The following KLF12 variants were observed in gnomAD, a reference collection of about 807,000 sequenced individuals.
KLF12 encodes the protein KLF transcription factor 12, also known as Krueppel-like factor 12.
Under a neutral mutation model 37.8 loss-of-function variants are expected in KLF12, and 9 were observed. That is an observed-to-expected ratio of 0.24 (90% CI 0.14 to 0.42). The LOEUF (loss-of-function observed/expected upper bound fraction) is 0.42, where lower values mean the gene tolerates loss of function less well. KLF12 is among the 10% of genes least tolerant of loss of function. The pLI, the probability that KLF12 is intolerant of heterozygous loss-of-function variation, is 1.00. For synonymous variants in KLF12, 208 were observed against 202.1 expected, an observed-to-expected ratio of 1.03 and a Z score of -0.25; for missense variants, 411 against 516.0, an observed-to-expected ratio of 0.80 and a Z score of 1.97.
At chr13:74,290,072 T>A in the KLF12 span, among the ~76,000 whole-genome samples, 1 of 152,162 alleles carries the variant, frequency 6.6e-6, no homozygotes, top group African/African-American at 2.4e-5. Context: ...TGAGTATTTG[T>A]ACAATGCCAG....
At chr13:73,903,881 C>T (rs575606046) in intron 3 of KLF12, among the ~76,000 whole-genome samples, 1 of 152,268 alleles carries the variant, frequency 6.6e-6, no homozygotes, top group African/African-American at 2.4e-5. Context: ...GTTGCATGGT[C>T]CTTCCGATGA....
rs541087604 is a variant in KLF12 at position 74,043,121 on chromosome 13, T to C, written c.-31-48068A>G. On this transcript the variant is annotated intron_variant, in intron 1 of 7. Transcript: ENST00000377669. ...CCCTTCATGAGATACTATGTTTTCA[T>C]TAATTCTGTAAATTTCAAAGGCTGA... is the stretch of plus-strand genomic sequence containing the variant. 5.3e-5 allele frequency among the ~76,000 whole-genome samples: 8 copies of C among 152,336 alleles called. No individual in the cohort carries two copies. In the South Asian group the frequency reaches 1.7e-3, roughly 32 times the overall value.
intron 2 of KLF12, chr13:73,960,406 T>G (rs1221225924): frequency 1.7e-5 from 5 of 302,194 alleles, no homozygotes; most frequent in Non-Finnish European, 3.8e-5. Flanking sequence ...TAAAATAATT[T>G]TAAATGTTAT....
chr13:74,234,903 G>A, the KLF12 span, among the ~76,000 whole-genome samples: 1 of 152,076 alleles, frequency 6.6e-6, no homozygotes, highest in Non-Finnish European at 1.5e-5. Flanking sequence ...TGTAATGATA[G>A]AATCTTAGAG....
the KLF12 span, among the ~76,000 whole-genome samples, chr13:74,240,266 T>C: frequency 6.9e-6 from 1 of 143,890 alleles, no homozygotes. Context: ...ATGTTGAATA[T>C]TGGCCCCCAC....
intron 3 of KLF12, among the ~76,000 whole-genome samples, chr13:73,849,621 G>A (rs552887762): frequency 6.6e-6 from 1 of 152,232 alleles, no homozygotes; most frequent in Non-Finnish European, 1.5e-5. Context: ...CCTCAAAGGG[G>A]ATAAGAACAC....
chr13:73,936,770 T>TC (rs1199439751), intron 3 of KLF12, among the ~76,000 whole-genome samples: 1 of 152,122 alleles, frequency 6.6e-6, no homozygotes, highest in Non-Finnish European at 1.5e-5. Context: ...TCAAGGACCA[T>TC]CGCTTGTTGT....
At chr13:74,246,724 G>T in the KLF12 span, among the ~76,000 whole-genome samples, 2 of 152,232 alleles carry the variant, frequency 1.3e-5, no homozygotes, top group African/African-American at 4.8e-5. Context: ...TGTGCAGGAA[G>T]CCTCCAAGGA....
At chr13:74,297,921 G>T in the KLF12 span, among the ~76,000 whole-genome samples, 63 of 152,254 alleles carry the variant, frequency 4.1e-4, no homozygotes, top group East Asian at 9.3e-3. Context: ...AGGAAAATGG[G>T]AGAATTTATA....
intron 5 of KLF12, among the ~76,000 whole-genome samples, chr13:73,806,958 C>CAA (rs545542432): frequency 6.6e-6 from 1 of 150,552 alleles, no homozygotes; most frequent in African/African-American, 2.4e-5. Flanking sequence ...AAATAAATAA[C>CAA]AAAAAAAAAC....
intron 1 of KLF12, among the ~76,000 whole-genome samples, chr13:74,012,604 T>G (rs1424039476): frequency 6.6e-6 from 1 of 152,228 alleles, no homozygotes; most frequent in Non-Finnish European, 1.5e-5. Flanking sequence ...CCAAAATTCT[T>G]AAATGTCAAA....
At chr13:74,278,060 G>A in the KLF12 span, among the ~76,000 whole-genome samples, 1 of 152,134 alleles carries the variant, frequency 6.6e-6, no homozygotes, top group African/African-American at 2.4e-5. Context: ...GCTGTTCTCT[G>A]GTCCTGATGT....
At chr13:73,930,860 AT>A (rs11432866) in intron 3 of KLF12, among the ~76,000 whole-genome samples, 2,522 of 109,416 alleles carry the variant, frequency 0.023, 30 homozygotes, top group Admixed American at 0.069. Flanking sequence ...AACTGGAAAC[AT>A]TTTTTTTTTT....
At chr13:74,038,704 T>C (rs1893322425) in intron 1 of KLF12, among the ~76,000 whole-genome samples, 1 of 152,332 alleles carries the variant, frequency 6.6e-6, no homozygotes, top group African/African-American at 2.4e-5. Context: ...GCTGAAGTTA[T>C]TTCTAACTTC....
At chr13:74,081,089 A>G (rs1347214367) in intron 1 of KLF12, among the ~76,000 whole-genome samples, 1 of 152,250 alleles carries the variant, frequency 6.6e-6, no homozygotes, top group South Asian at 2.1e-4. Flanking sequence ...CCTGGTCCAG[A>G]GAGTTCTAGA....
chr13:73,753,137 CA>C (rs1464924124), intron 6 of KLF12, among the ~76,000 whole-genome samples: 1 of 152,120 alleles, frequency 6.6e-6, no homozygotes, highest in Non-Finnish European at 1.5e-5. Flanking sequence ...CTCTCCTGCT[CA>C]AAGTCATCCG....
rs185840766 is a variant in KLF12 at position 74,019,562 on chromosome 13, C to T, written c.-31-24509G>A. Among the ~76,000 whole-genome samples the T allele has an allele frequency of 4.7e-3, 721 of 152,322 alleles. 25 individuals are homozygous for T. The highest frequency in any genetic ancestry group is 0.04 in the Admixed American group (606 of 15,300). On this transcript the variant is annotated intron_variant, in intron 1 of 7. Coordinates refer to ENST00000377669, the MANE Select transcript of KLF12 (RefSeq NM_007249.5). ...TTACAAGTCCCTTGCAACAAAAACT[C>T]TAACATCGTATGTTTAAATAAAAGT...
At chr13:74,198,046 G>A in the KLF12 span, among the ~76,000 whole-genome samples, 1 of 151,408 alleles carries the variant, frequency 6.6e-6, no homozygotes, top group Non-Finnish European at 1.5e-5. Context: ...AAGGAAGGAA[G>A]GAAAGAAAGA....
intron 1 of KLF12, among the ~76,000 whole-genome samples, chr13:74,027,917 C>T (rs1018121872): frequency 6.6e-6 from 1 of 152,082 alleles, no homozygotes; most frequent in East Asian, 1.9e-4. Flanking sequence ...TATTTCATCA[C>T]GATTACCCAC....
Sources: allele counts gnomAD v4.1 joint callset (sites outside exome capture counted in the v4.1 genomes callset), GRCh38; gene constraint gnomAD v4.1.1; transcripts MANE v1.5; gene names NCBI Gene and HGNC (gene_info 2026-07-23, HGNC 2026-07-21).